The following EYS variants were observed in gnomAD, a reference collection of about 807,000 sequenced individuals.
EYS encodes EGF-like photoreceptor maintenance factor.
A neutral mutation model predicts 282.1 loss-of-function variants in EYS; 250 were observed. The ratio of observed to expected loss-of-function variants is 0.89; its 90% CI spans 0.80 to 0.98. The LOEUF is 0.98. EYS is among the 50% of genes least tolerant of loss of function. The probability of loss-of-function intolerance (pLI) is 0.00; values close to 1 mark genes in which losing one functional copy is unlikely to be tolerated. For synonymous variants in EYS, 1,355 were observed against 1,282.9 expected (o/e 1.06, Z -1.20); for missense variants, 4,016 against 3,709.0 (o/e 1.08, Z -2.15).
chr6:64,132,274 A>T (rs1477119264), intron 31 of EYS, among the ~76,000 whole-genome samples: 2 of 152,078 alleles, frequency 1.3e-5, no homozygotes, highest in African/African-American at 4.8e-5. Context: ...CTGCGTTAAA[A>T]TAAATAACTT....
At chr6:65,087,941 G>A (rs552708866) in intron 12 of EYS, among the ~76,000 whole-genome samples, 18 of 152,214 alleles carry the variant, frequency 1.2e-4, no homozygotes, top group South Asian at 4.2e-4. Flanking sequence ...TCCCCATGCC[G>A]TTCTCGTGAT....
At chr6:65,021,069 G>C (rs573075520) in intron 13 of EYS, among the ~76,000 whole-genome samples, 2 of 152,132 alleles carry the variant, frequency 1.3e-5, no homozygotes, top group Admixed American at 1.3e-4. Context: ...TGCCATGAAG[G>C]CCTCTGACAT....
At chr6:64,902,341 T>C in intron 17 of EYS, 63 bp downstream of exon 17, 1 of 1,330,908 alleles carries the variant, frequency 7.5e-7, no homozygotes, top group Non-Finnish European at 1.0e-6. Context: ...CAATTAAAAT[T>C]CTATACCTGT....
intron 11 of EYS, among the ~76,000 whole-genome samples, chr6:65,309,927 T>A (rs1480950886): frequency 6.6e-6 from 1 of 152,190 alleles, no homozygotes; most frequent in Non-Finnish European, 1.5e-5. Context: ...ACTTTTGTCT[T>A]CCTCCCCTTG....
chr6:63,944,239 A>G (rs1765324203), intron 35 of EYS, among the ~76,000 whole-genome samples: 1 of 152,234 alleles, frequency 6.6e-6, no homozygotes, highest in Admixed American at 6.5e-5. Flanking sequence ...ACAGCAAAAT[A>G]TAAGGCAGTG....
chr6:64,843,556 T>C (rs773187231), intron 19 of EYS, among the ~76,000 whole-genome samples: 1 of 152,208 alleles, frequency 6.6e-6, no homozygotes, highest in Non-Finnish European at 1.5e-5. Flanking sequence ...TGGACATGCA[T>C]GGTCCATATA....
intron 12 of EYS, among the ~76,000 whole-genome samples, chr6:65,058,006 A>T (rs985743955): frequency 1.3e-5 from 2 of 152,132 alleles, no homozygotes; most frequent in African/African-American, 4.8e-5. Flanking sequence ...ATCTTTTGCT[A>T]GAGAGTCTAG....
At chr6:64,865,742 T>A (rs2150051092) in intron 19 of EYS, among the ~76,000 whole-genome samples, 1 of 152,192 alleles carries the variant, frequency 6.6e-6, no homozygotes, top group African/African-American at 2.4e-5. Flanking sequence ...AACACAGATA[T>A]CTGTTGGGAA....
intron 22 of EYS, among the ~76,000 whole-genome samples, chr6:64,785,656 T>A (rs1773992305): frequency 1.3e-5 from 2 of 152,192 alleles, no homozygotes; most frequent in Admixed American, 1.3e-4. Flanking sequence ...ACAATAAACA[T>A]CATGTAATAG....
intron 14 of EYS, among the ~76,000 whole-genome samples, chr6:64,984,689 A>G (rs1243817040): frequency 6.6e-6 from 1 of 151,378 alleles, no homozygotes; most frequent in Non-Finnish European, 1.5e-5. Flanking sequence ...TGGGTTTGTA[A>G]TATGTCCTAC....
intron 29 of EYS, among the ~76,000 whole-genome samples, chr6:64,335,227 G>A (rs1287977652): frequency 6.6e-6 from 1 of 151,852 alleles, no homozygotes; most frequent in African/African-American, 2.4e-5. Context: ...TCATAAAGTT[G>A]CTGCAAAGTG....
chr6:64,688,574 C>T (rs1770247560), intron 22 of EYS, among the ~76,000 whole-genome samples: 1 of 152,162 alleles, frequency 6.6e-6, no homozygotes, highest in South Asian at 2.1e-4. Context: ...TTTGATTGCA[C>T]TGTGGTCTGA....
intron 12 of EYS, among the ~76,000 whole-genome samples, chr6:65,141,744 G>C (rs62407219): frequency 0.26 from 38,909 of 151,586 alleles, 5,327 homozygotes; most frequent in African/African-American, 0.35. Context: ...TTAATTGACA[G>C]CATATTTCTC....
intron 12 of EYS, among the ~76,000 whole-genome samples, chr6:65,248,501 T>C (rs537418264): frequency 2.8e-4 from 42 of 152,212 alleles, no homozygotes; most frequent in Admixed American, 1.2e-3. Flanking sequence ...GATAGCTTAG[T>C]GATCAGCAAT....
At chr6:64,887,419 T>C (rs908583746) in intron 18 of EYS, among the ~76,000 whole-genome samples, 9 of 151,632 alleles carry the variant, frequency 5.9e-5, no homozygotes, top group African/African-American at 2.2e-4. Flanking sequence ...ACCCTGAAAC[T>C]TAAAGTATAA....
At chr6:64,219,506 A>G (rs1254033855) in intron 31 of EYS, among the ~76,000 whole-genome samples, 1 of 152,196 alleles carries the variant, frequency 6.6e-6, no homozygotes, top group East Asian at 1.9e-4. Context: ...TTAAGAAAGA[A>G]TTTTTATAGC....
chr6:63,828,728 A>G (rs1771541079), intron 36 of EYS, among the ~76,000 whole-genome samples: 1 of 152,258 alleles, frequency 6.6e-6, no homozygotes, highest in South Asian at 2.1e-4. Context: ...ACTAGTGATC[A>G]GGTAAATGCA....
rs1327449077 is a variant in EYS at position 64,452,043 on chromosome 6, C to G, written c.5645-12691G>C. On this transcript the variant is annotated intron_variant, in intron 26 of 42. Coordinates refer to ENST00000503581, the MANE Select transcript of EYS (RefSeq NM_001142800.2). ...GCAGGAGAAGGAAATAAAGGGCATT[C>G]AATTAGGAAAAGAGGAAGTCAAATT... Among the ~76,000 whole-genome samples, 3 of 152,190 alleles carry G rather than the reference C, an allele frequency of 2.0e-5. No homozygotes were observed. The East Asian group carries it at 5.8e-4, about 29-fold the overall frequency.
At chr6:65,210,004 A>C (rs1271454575) in intron 12 of EYS, among the ~76,000 whole-genome samples, 1 of 151,976 alleles carries the variant, frequency 6.6e-6, no homozygotes, top group Non-Finnish European at 1.5e-5. Context: ...TAATGAAAAC[A>C]TGTAGAGCAT....
Sources: gnomAD v4.1 joint callset for allele counts (sites outside exome capture counted in the v4.1 genomes callset) on GRCh38, gnomAD v4.1.1 for gene constraint, MANE v1.5 for transcripts, NCBI Gene and HGNC (gene_info 2026-07-23, HGNC 2026-07-21) for gene names.